FEZ2: variants seen among roughly 807,000 people sequenced by gnomAD.
FEZ2 encodes fasciculation and elongation protein zeta-2.
A neutral mutation model predicts 40.4 loss-of-function variants in FEZ2; 51 were observed. The ratio of observed to expected loss-of-function variants is 1.26; its 90% confidence interval spans 1.01 to 1.59. The LOEUF is 1.59. FEZ2 is among the 40% of genes most tolerant of loss of function. The pLI, the probability that FEZ2 is intolerant of heterozygous loss-of-function variation, is 0.00. For synonymous variants in FEZ2, 242 were observed against 172.0 expected, an observed-to-expected ratio of 1.41 and a Z score of -3.18; for missense variants, 640 against 438.3, an observed-to-expected ratio of 1.46 and a Z score of -4.11.
intron 6 of FEZ2, chr2:36,556,597 C>G (rs1667967810): frequency 6.6e-6 from 1 of 152,224 alleles, no homozygotes. Flanking sequence ...CTGCCACTTC[C>G]TAATTGTGTG....
chr2:36,554,868 G>A (rs1469166712), intron 7 of FEZ2, among the ~76,000 whole-genome samples: 1 of 152,166 alleles, frequency 6.6e-6, no homozygotes, highest in Non-Finnish European at 1.5e-5. Flanking sequence ...AGAAGAGAGA[G>A]AACCCAGAGA....
intron 7 of FEZ2, among the ~76,000 whole-genome samples, chr2:36,554,537 A>G (rs1667904669): frequency 6.6e-6 from 1 of 152,180 alleles, no homozygotes; most frequent in African/African-American, 2.4e-5. Context: ...ACAAAAGCAA[A>G]CAAAGATGTC....
Position 36,574,048 on chromosome 2 carries a change from T to C in FEZ2, c.903+4549A>G, listed in dbSNP as rs75166746. Among the ~76,000 whole-genome samples the C allele has an allele frequency of 2.8e-4, 42 of 152,384 alleles. No individual in the cohort carries two copies. In the East Asian group the frequency reaches 8.1e-3, roughly 29 times the overall value. On this transcript the variant is annotated intron_variant, in intron 5 of 7. Transcript: ENST00000405912. Reference sequence around the variant, plus strand: ...AAATAATTCAATTTTAGGAAAATGGTAACTTTGGTTTAATAGTATAAATTT... The same window carrying C: ...AAATAATTCAATTTTAGGAAAATGGCAACTTTGGTTTAATAGTATAAATTT...
intron 4 of FEZ2, among the ~76,000 whole-genome samples, chr2:36,580,794 G>A (rs1386640098): frequency 2.0e-5 from 3 of 152,080 alleles, no homozygotes; most frequent in Non-Finnish European, 4.4e-5. Flanking sequence ...TCTTTAAAGA[G>A]GTAATTACAT....
At chr2:36,583,299 G>T in intron 3 of FEZ2, 54 bp downstream of exon 3, 1 of 923,624 alleles carries the variant, frequency 1.1e-6, no homozygotes, top group Non-Finnish European at 1.8e-6. Flanking sequence ...ACAAGAAGCC[G>T]TTTTTCAGCT....
Position 36,555,827 on chromosome 2 carries a change from C to A in FEZ2, c.980-79G>T. ...TATTATTTAATTTCAATCATTGTGG[C>A]CTTAATCTTCCTTAATTATAGGATA... On this transcript the variant is annotated intron_variant, in intron 6 of 7. Coordinates refer to ENST00000405912, the MANE Select transcript of FEZ2 (RefSeq NM_005102.3). The A allele has an allele frequency of 7.8e-6, 6 of 768,886 alleles. No homozygotes were observed. In the South Asian group the frequency reaches 9.4e-5, roughly 12 times the overall value. The allele number at this position is 768,886 out of a possible 1,614,324, so 47.6% of individuals were successfully genotyped here.
At chr2:36,597,796 G>C (rs1274541575) in intron 1 of FEZ2, 81 bp downstream of exon 1, 3 of 1,015,130 alleles carry the variant, frequency 3.0e-6, no homozygotes, top group Admixed American at 1.3e-4. Flanking sequence ...GGCGCAGGGA[G>C]GAGCTGCGGC....
intron 1 of FEZ2, among the ~76,000 whole-genome samples, chr2:36,597,547 CGTGCCCCAGGAG>C (rs6146716): frequency 0.79 from 120,080 of 151,676 alleles, 47,857 homozygotes; most frequent in East Asian, 0.99. Flanking sequence ...TGGCGACACA[CGTGCCCCAGGAG>C]GTGCCCCAGG....
intron 6 of FEZ2, chr2:36,556,055 T>G (rs1166120581): frequency 3.8e-6 from 2 of 529,154 alleles, no homozygotes; most frequent in East Asian, 1.1e-4. Context: ...ACAAGGAGCC[T>G]TCGCTCTGTA....
In FEZ2 at chr2:36,576,746, G is replaced by C. The variant is rs567598076; in HGVS notation, c.903+1851C>G. ...ATGAATCTATTTCAAGACCAATGAA[G>C]GCTGAAGTAAGACCTAACTGTTGCC... On this transcript the variant is annotated intron_variant, in intron 5 of 7. Transcript: ENST00000405912. 2.0e-5 allele frequency among the ~76,000 whole-genome samples: 3 copies of C among 152,286 alleles called. No individual in the cohort carries two copies. In the South Asian group the frequency reaches 6.2e-4, roughly 32 times the overall value.
intron 5 of FEZ2, among the ~76,000 whole-genome samples, chr2:36,575,027 C>T (rs1257716001): frequency 6.6e-6 from 1 of 152,182 alleles, no homozygotes; most frequent in Non-Finnish European, 1.5e-5. Context: ...AACAGCATCA[C>T]CATCTACCAC....
intron 6 of FEZ2, chr2:36,556,127 C>A (rs1441929790): frequency 2.3e-6 from 1 of 443,810 alleles, no homozygotes; most frequent in African/African-American, 2.1e-5. Flanking sequence ...AGCAAGAAAA[C>A]CTCAGTGCTG....
At chr2:36,584,134 T>G (rs376591354) in intron 2 of FEZ2, 1 of 152,274 alleles carries the variant, frequency 6.6e-6, no homozygotes, top group Non-Finnish European at 1.5e-5. Context: ...TTAAACCCCA[T>G]TGGCAGACAC....
intron 4 of FEZ2, among the ~76,000 whole-genome samples, chr2:36,580,229 G>C (rs1276039343): frequency 6.6e-6 from 1 of 152,202 alleles, no homozygotes; most frequent in Non-Finnish European, 1.5e-5. Context: ...TTGGGAGTCA[G>C]GACGTTAACA....
chr2:36,572,815 C>CA (rs1324865743), intron 5 of FEZ2, among the ~76,000 whole-genome samples: 1 of 152,132 alleles, frequency 6.6e-6, no homozygotes, highest in Non-Finnish European at 1.5e-5. Flanking sequence ...CAAAGGCTAT[C>CA]AATCATATTA....
At chr2:36,567,236 G>C (rs1173095939) in intron 5 of FEZ2, among the ~76,000 whole-genome samples, 1 of 151,734 alleles carries the variant, frequency 6.6e-6, no homozygotes, top group Non-Finnish European at 1.5e-5. Flanking sequence ...ACCATATCAT[G>C]AGGTGTCTTG....
intron 2 of FEZ2, among the ~76,000 whole-genome samples, chr2:36,589,063 C>G: frequency 6.6e-6 from 1 of 152,176 alleles, no homozygotes; most frequent in East Asian, 1.9e-4. Context: ...TCTGGCCCTA[C>G]AGTTTCACTG....
intron 1 of FEZ2, among the ~76,000 whole-genome samples, chr2:36,597,078 T>C (rs1338624086): frequency 1.3e-5 from 2 of 152,080 alleles, no homozygotes; most frequent in Non-Finnish European, 2.9e-5. Context: ...CACCAGACCA[T>C]GCGATCGTTA....
chr2:36,586,857 G>A (rs1263972941), intron 2 of FEZ2, among the ~76,000 whole-genome samples: 3 of 152,192 alleles, frequency 2.0e-5, no homozygotes, highest in African/African-American at 7.2e-5. Context: ...GGAGCGGGAA[G>A]ATCGCTTAAG....
Sources: gnomAD v4.1 joint callset for allele counts (sites outside exome capture counted in the v4.1 genomes callset) on GRCh38, gnomAD v4.1.1 for gene constraint, MANE v1.5 for transcripts, NCBI Gene and HGNC (gene_info 2026-07-23, HGNC 2026-07-21) for gene names.